The following SAMD12 variants were observed in gnomAD, a reference collection of about 807,000 sequenced individuals.
SAMD12 encodes sterile alpha motif domain-containing protein 12.
Under a neutral mutation model 15.0 loss-of-function variants are expected in SAMD12, and 9 were observed. That is an observed-to-expected ratio of 0.60 (90% confidence interval 0.36 to 1.05). The LOEUF is 1.05. SAMD12 is among the 50% of genes least tolerant of loss of function. The pLI, the probability that SAMD12 is intolerant of heterozygous loss-of-function variation, is 0.01. For missense variants in SAMD12, 230 were observed against 234.2 expected (o/e 0.98, Z 0.12); for synonymous variants, 86 against 90.1 (o/e 0.96, Z 0.25).
At chr8:118,618,666 T>C (rs1297081889) in intron 1 of SAMD12, among the ~76,000 whole-genome samples, 2 of 151,526 alleles carry the variant, frequency 1.3e-5, no homozygotes, top group Non-Finnish European at 2.9e-5. Flanking sequence ...GGTGAAACTC[T>C]GTCTCTACTA....
chr8:118,500,468 A>G (rs1197899456), intron 2 of SAMD12, among the ~76,000 whole-genome samples: 1 of 150,088 alleles, frequency 6.7e-6, no homozygotes. Context: ...ACATAGAGAC[A>G]TGGGTTCCTT....
chr8:118,258,408 T>G (rs1168262994), intron 4 of SAMD12, among the ~76,000 whole-genome samples: 1 of 152,094 alleles, frequency 6.6e-6, no homozygotes, highest in African/African-American at 2.4e-5. Flanking sequence ...GATTGGGGAG[T>G]TAGACTATAT....
At chr8:118,385,486 G>C (rs569537919) in intron 3 of SAMD12, among the ~76,000 whole-genome samples, 5 of 152,178 alleles carry the variant, frequency 3.3e-5, no homozygotes, top group African/African-American at 1.2e-4. Context: ...CACTGGTTCT[G>C]CAGATTCTGG....
intron 2 of SAMD12, among the ~76,000 whole-genome samples, chr8:118,578,241 C>A (rs1827199511): frequency 1.3e-5 from 2 of 152,060 alleles, no homozygotes; most frequent in Non-Finnish European, 2.9e-5. Context: ...AAATTATATC[C>A]CATTGCATTA....
intron 2 of SAMD12, among the ~76,000 whole-genome samples, chr8:118,492,515 G>A (rs1824471237): frequency 6.6e-6 from 1 of 152,138 alleles, no homozygotes; most frequent in Non-Finnish European, 1.5e-5. Context: ...TTCATTTGAA[G>A]AAGCCATTTC....
the SAMD12 span, among the ~76,000 whole-genome samples, chr8:118,170,711 T>C: frequency 6.6e-6 from 1 of 152,140 alleles, no homozygotes; most frequent in Non-Finnish European, 1.5e-5. Context: ...ATGTAGAAGA[T>C]AAAATGGTAA....
At chr8:118,466,862 C>T (rs1276918044) in intron 2 of SAMD12, among the ~76,000 whole-genome samples, 1 of 152,140 alleles carries the variant, frequency 6.6e-6, no homozygotes, top group Non-Finnish European at 1.5e-5. Flanking sequence ...ATTCCCTGCC[C>T]ACAAATTTTG....
chr8:118,331,930 G>A (rs1816824338), intron 4 of SAMD12, among the ~76,000 whole-genome samples: 1 of 152,146 alleles, frequency 6.6e-6, no homozygotes, highest in Admixed American at 6.5e-5. Context: ...GAAACCTGAG[G>A]TTTAGAACAT....
At position 118,342,416 on chromosome 8, in the gene SAMD12, G is replaced by A. The variant is rs780317748; in HGVS notation, c.433+37144C>T. 7.2e-5 allele frequency among the ~76,000 whole-genome samples: 11 copies of A among 152,160 alleles called. No homozygotes were observed. In the East Asian group the frequency reaches 9.7e-4, roughly 13 times the overall value. ...ATAAGAGACTTGAAACCCACCAATC[G>A]TAGATAAGGGATCTTTCTACATAAC... On this transcript the variant is annotated intron_variant, in intron 4 of 4. Transcript: ENST00000409003.
At chr8:118,619,439 A>G (rs961810495) in intron 1 of SAMD12, among the ~76,000 whole-genome samples, 1 of 144,142 alleles carries the variant, frequency 6.9e-6, no homozygotes, top group Non-Finnish European at 1.5e-5. Flanking sequence ...AGACCGCGCC[A>G]CTGTACTCTA....
chr8:118,621,756 G>A lies in SAMD12; in HGVS notation c.13+48C>T, dbSNP rs765894764. 10 of 1,608,074 alleles carry A rather than the reference G, an allele frequency of 6.2e-6. No homozygotes were observed. The Admixed American group carries it at 6.7e-5, about 11-fold the overall frequency. On this transcript the variant is annotated intron_variant, in intron 1 of 3. Coordinates refer to ENST00000314727, the MANE Select transcript of SAMD12 (RefSeq NM_207506.3). Reference sequence around the variant, plus strand: ...GCTTCATCGGGGATGTGTGCCTTGGGGTGCGCGGGTTAAGAGGGAGCTTAA... The same window carrying A: ...GCTTCATCGGGGATGTGTGCCTTGGAGTGCGCGGGTTAAGAGGGAGCTTAA...
chr8:118,577,113 G>T (rs1421948292), intron 2 of SAMD12, among the ~76,000 whole-genome samples: 1 of 152,048 alleles, frequency 6.6e-6, no homozygotes, highest in Non-Finnish European at 1.5e-5. Context: ...ATTTCAACTG[G>T]ATTCATTTTT....
intron 2 of SAMD12, among the ~76,000 whole-genome samples, chr8:118,492,448 T>A (rs2515023): frequency 0.44 from 67,025 of 151,952 alleles, 15,196 homozygotes; most frequent in East Asian, 0.63. Flanking sequence ...TAATAAATAT[T>A]TAAATTAACT....
intron 4 of SAMD12, among the ~76,000 whole-genome samples, chr8:118,273,856 G>C (rs1197236246): frequency 1.3e-5 from 2 of 152,132 alleles, no homozygotes; most frequent in Non-Finnish European, 2.9e-5. Flanking sequence ...CCTCAGGTAG[G>C]AACAGTTGTC....
intron 4 of SAMD12, among the ~76,000 whole-genome samples, chr8:118,351,697 C>T (rs2130599033): frequency 6.6e-6 from 1 of 152,244 alleles, no homozygotes; most frequent in East Asian, 1.9e-4. Flanking sequence ...TGAGAGAGAA[C>T]TTGAGAGAGT....
At chr8:118,402,056 T>A (rs1820895608) in intron 3 of SAMD12, among the ~76,000 whole-genome samples, 1 of 152,184 alleles carries the variant, frequency 6.6e-6, no homozygotes, top group South Asian at 2.1e-4. Context: ...GAAAAAGGCA[T>A]GTTTCCAAGG....
At chr8:118,429,075 G>T (rs1026192006) in intron 3 of SAMD12, among the ~76,000 whole-genome samples, 3 of 151,950 alleles carry the variant, frequency 2.0e-5, no homozygotes, top group Non-Finnish European at 1.5e-5. Flanking sequence ...ACAAGTGTGG[G>T]ATATCTCACC....
chr8:118,404,154 TAA>T (rs925442405), intron 3 of SAMD12, among the ~76,000 whole-genome samples: 19 of 152,298 alleles, frequency 1.2e-4, no homozygotes, highest in African/African-American at 4.6e-4. Flanking sequence ...AGCTAAGTTT[TAA>T]AACTTTTTGT....
chr8:118,547,222 T>C (rs1053681786), intron 2 of SAMD12, among the ~76,000 whole-genome samples: 4 of 152,142 alleles, frequency 2.6e-5, no homozygotes, highest in Admixed American at 1.3e-4. Flanking sequence ...TTAAAAAAAA[T>C]GTAGCAGCAA....
Sources: gnomAD v4.1 joint callset for allele counts (sites outside exome capture counted in the v4.1 genomes callset) on GRCh38, gnomAD v4.1.1 for gene constraint, MANE v1.5 for transcripts, NCBI Gene and HGNC (gene_info 2026-07-23, HGNC 2026-07-21) for gene names.